Variants in TEX11 observed in about 807,000 individuals in gnomAD.
TEX11 encodes the protein testis-expressed protein 11.
A neutral mutation model predicts 84.4 loss-of-function variants in TEX11; 7 were observed. That is an observed-to-expected ratio of 0.08 (90% CI 0.05 to 0.16). The LOEUF is 0.16. Ranked by LOEUF, TEX11 falls within the 10% of genes least tolerant of loss-of-function variation. TEX11 has a pLI of 1.00. For missense variants in TEX11, 551 were observed against 660.5 expected, an observed-to-expected ratio of 0.83 and a Z score of 1.82; for synonymous variants, 264 against 222.8, an observed-to-expected ratio of 1.18 and a Z score of -1.64.
At chrX:70,621,582 A>ATATATATATATAT in intron 20 of TEX11, among the ~76,000 whole-genome samples, 1 of 78,094 alleles carries the variant, frequency 1.3e-5, no homozygotes, top group African/African-American at 4.8e-5. Context: ...ATATATAAAT[A>ATATATATATATAT]AAAATAAAAT....
At chrX:70,799,749 A>G (rs997133657) in intron 9 of TEX11, among the ~76,000 whole-genome samples, 1 of 112,213 alleles carries the variant, frequency 8.9e-6, no homozygotes, top group African/African-American at 3.2e-5. Flanking sequence ...AAAATTTCCA[A>G]TGAAAGCTCT....
At position 70,855,922 on chromosome X, in the gene TEX11, T is replaced by G. The variant is rs2091533930; in HGVS notation, c.325-2594A>C. ...ATCTTGAACTTCTAGCCTCCAAAAC[T>G]GTGGGAAAATAAATATCTGTTGTTT... On this transcript the variant is annotated intron_variant, in intron 5 of 29. Transcript: ENST00000374333. Among the ~76,000 whole-genome samples, 5 of 111,594 alleles carry G rather than the reference T, an allele frequency of 4.5e-5. No homozygotes were observed. In the Admixed American group the frequency reaches 4.8e-4, roughly 11 times the overall value.
intron 8 of TEX11, among the ~76,000 whole-genome samples, chrX:70,818,678 G>A (rs911479147): frequency 9.1e-6 from 1 of 110,404 alleles, no homozygotes; most frequent in African/African-American, 3.3e-5. Context: ...TGAGCTGGTG[G>A]CACCACGCAC....
At chrX:70,729,901 G>C (rs942036245) in intron 11 of TEX11, among the ~76,000 whole-genome samples, 36 of 112,098 alleles carry the variant, frequency 3.2e-4, no homozygotes, top group African/African-American at 1.1e-3. Context: ...GTTACGGGCA[G>C]CCAGACAGAA....
intron 8 of TEX11, among the ~76,000 whole-genome samples, chrX:70,811,163 G>A (rs756135040): frequency 1.8e-5 from 2 of 109,783 alleles, no homozygotes; most frequent in African/African-American, 3.3e-5. Flanking sequence ...CTCCTAATGC[G>A]ATCCCTCCCC....
chrX:70,775,218 A>T (rs1253366224), intron 9 of TEX11, among the ~76,000 whole-genome samples: 1 of 111,872 alleles, frequency 8.9e-6, no homozygotes, highest in African/African-American at 3.2e-5. Context: ...TAAATGTAAG[A>T]CCTAAAACTA....
intron 24 of TEX11, 122 bp from the exon 25 acceptor site, chrX:70,591,945 G>T: frequency 2.2e-6 from 1 of 456,851 alleles, no homozygotes; most frequent in Non-Finnish European, 3.6e-6. Context: ...AAAAATGATA[G>T]TTTAAACTGA....
At chrX:70,880,697 T>C (rs1459901656) in intron 2 of TEX11, among the ~76,000 whole-genome samples, 1 of 111,590 alleles carries the variant, frequency 9.0e-6, no homozygotes, top group African/African-American at 3.3e-5. Flanking sequence ...TTTCAAGCAT[T>C]AGACAGACAT....
intron 28 of TEX11, among the ~76,000 whole-genome samples, chrX:70,537,693 G>A (rs1338231311): frequency 1.8e-5 from 2 of 111,506 alleles, no homozygotes; most frequent in East Asian, 5.6e-4. Flanking sequence ...GGGAAGTAAG[G>A]GAGATTAGAC....
chrX:70,800,687 C>CT (rs60458912), intron 9 of TEX11, among the ~76,000 whole-genome samples: 131 of 62,203 alleles, frequency 2.1e-3, no homozygotes, highest in East Asian at 3.1e-3. Flanking sequence ...ATTTCATGTG[C>CT]TTTTTTTTTT....
At chrX:70,785,275 G>GT (rs1248437163) in intron 9 of TEX11, among the ~76,000 whole-genome samples, 1 of 112,155 alleles carries the variant, frequency 8.9e-6, no homozygotes, top group East Asian at 2.8e-4. Flanking sequence ...CTAGCCATAT[G>GT]TGGAAAGCTG....
At chrX:70,670,223 G>A (rs762452637) in intron 16 of TEX11, among the ~76,000 whole-genome samples, 154 bp downstream of exon 16, 3 of 112,052 alleles carry the variant, frequency 2.7e-5, no homozygotes, top group Admixed American at 1.9e-4. Flanking sequence ...TTTACAGTGT[G>A]CAAATCAAGA....
chrX:70,877,162 C>A (rs777616302), intron 3 of TEX11, among the ~76,000 whole-genome samples: 2 of 109,952 alleles, frequency 1.8e-5, no homozygotes, highest in Non-Finnish European at 3.8e-5. Context: ...GGTGTGGTGG[C>A]GCCTGCCTGT....
intron 9 of TEX11, among the ~76,000 whole-genome samples, chrX:70,791,696 C>T (rs1324149507): frequency 8.9e-6 from 1 of 111,864 alleles, no homozygotes; most frequent in Non-Finnish European, 1.9e-5. Flanking sequence ...GAAATGAATA[C>T]CAAAGAAGAT....
At chrX:70,790,951 A>G (rs1170364484) in intron 9 of TEX11, among the ~76,000 whole-genome samples, 1 of 112,296 alleles carries the variant, frequency 8.9e-6, no homozygotes, top group Non-Finnish European at 1.9e-5. Context: ...TCTTTTTTTT[A>G]TTATTATACT....
intron 13 of TEX11, among the ~76,000 whole-genome samples, chrX:70,702,743 C>T (rs2090336619): frequency 9.0e-6 from 1 of 111,683 alleles, no homozygotes; most frequent in African/African-American, 3.2e-5. Flanking sequence ...AATCTGTCGT[C>T]CATCTCTATA....
intron 7 of TEX11, among the ~76,000 whole-genome samples, chrX:70,840,276 ATC>A (rs2091434351): frequency 8.9e-6 from 1 of 112,061 alleles, no homozygotes; most frequent in African/African-American, 3.2e-5. Flanking sequence ...CTAACAGCTG[ATC>A]TCTCTGCAGA....
At chrX:70,767,156 G>A (rs1438270454) in intron 9 of TEX11, among the ~76,000 whole-genome samples, 1 of 111,320 alleles carries the variant, frequency 9.0e-6, no homozygotes, top group African/African-American at 3.3e-5. Flanking sequence ...AGCAAAGGAA[G>A]CAATAAACAA....
intron 14 of TEX11, among the ~76,000 whole-genome samples, chrX:70,680,577 A>C (rs1406848409): frequency 7.4e-5 from 2 of 27,043 alleles, no homozygotes; most frequent in Non-Finnish European, 2.9e-4. Flanking sequence ...AGAATGATCA[A>C]TTAAAAAAAA....
Sources: allele counts gnomAD v4.1 joint callset (sites outside exome capture counted in the v4.1 genomes callset), GRCh38; gene constraint gnomAD v4.1.1; transcripts MANE v1.5; gene names NCBI Gene and HGNC (gene_info 2026-07-23, HGNC 2026-07-21).